CAMTA1: variants seen among roughly 807,000 people sequenced by gnomAD.
CAMTA1 encodes the protein calmodulin binding transcription activator 1, also known as calmodulin-binding transcription activator 1.
In CAMTA1, 27 loss-of-function variants were observed where a neutral mutation model predicts 170.9. The observed-to-expected ratio is 0.16, with a 90% CI of 0.12 to 0.22. The LOEUF (loss-of-function observed/expected upper bound fraction) is 0.22, where lower values mean the gene tolerates loss of function less well. Ranked by LOEUF, CAMTA1 falls within the 10% of genes least tolerant of loss-of-function variation. CAMTA1 has a pLI of 1.00. For missense variants in CAMTA1, 1,619 were observed against 2,217.2 expected, an observed-to-expected ratio of 0.73 and a Z score of 5.42; for synonymous variants, 833 against 891.5, an observed-to-expected ratio of 0.93 and a Z score of 1.17.
intron 3 of CAMTA1, chr1:6,888,130 G>T: frequency 1.0e-6 from 1 of 983,784 alleles, no homozygotes; most frequent in Non-Finnish European, 1.2e-6. Context: ...CCTTTGTCTT[G>T]TCCCCTTGTA....
intron 6 of CAMTA1, among the ~76,000 whole-genome samples, chr1:7,542,218 A>C (rs961346952): frequency 2.0e-5 from 3 of 152,136 alleles, no homozygotes; most frequent in Non-Finnish European, 4.4e-5. Flanking sequence ...CCCATCACCC[A>C]AAAATAACCT....
intron 5 of CAMTA1, among the ~76,000 whole-genome samples, chr1:7,421,278 G>A (rs1239273179): frequency 1.3e-5 from 2 of 151,414 alleles, no homozygotes; most frequent in African/African-American, 4.9e-5. Context: ...TCAGCCTCCC[G>A]AGTAGCTGGG....
intron 3 of CAMTA1, among the ~76,000 whole-genome samples, chr1:6,933,558 C>G (rs1364090523): frequency 1.3e-5 from 2 of 152,142 alleles, no homozygotes; most frequent in Admixed American, 6.5e-5. Context: ...CTGTGCCTGG[C>G]CTTCTCCTAT....
chr1:7,012,296 C>T (rs181173592), intron 3 of CAMTA1, among the ~76,000 whole-genome samples: 1 of 152,276 alleles, frequency 6.6e-6, no homozygotes, highest in African/African-American at 2.4e-5. Context: ...TTGACCTTGC[C>T]AGGTAGAGAT....
rs1294245954 is a variant in CAMTA1 at position 6,887,107 on chromosome 1, G to A, written c.234+61897G>A. Reference sequence around the variant, plus strand: ...GCCTCTGCAAGCATTGTGTTCTGTTGTATCAATATGTACTTAGATATGTTA... The same window carrying A: ...GCCTCTGCAAGCATTGTGTTCTGTTATATCAATATGTACTTAGATATGTTA... On this transcript the variant is annotated intron_variant, in intron 3 of 22. Transcript: ENST00000303635. This position sits in a 1 kb window ranked among gnomAD's most constrained non-coding sequence, Gnocchi z 4.1. Among the ~76,000 whole-genome samples, 3 of 152,178 alleles carry A rather than the reference G, an allele frequency of 2.0e-5. No individual in the cohort carries two copies. Among genetic ancestry groups the A allele is most frequent in the Non-Finnish European group, 4.4e-5 (3 of 68,038 alleles).
intron 6 of CAMTA1, among the ~76,000 whole-genome samples, chr1:7,490,558 C>A (rs549371511): frequency 6.6e-6 from 1 of 152,002 alleles, no homozygotes; most frequent in Non-Finnish European, 1.5e-5. Flanking sequence ...AGGCTGAGGC[C>A]GGAGAATCGC....
intron 4 of CAMTA1, among the ~76,000 whole-genome samples, chr1:7,155,711 G>A (rs546599162): frequency 3.3e-5 from 5 of 151,992 alleles, no homozygotes; most frequent in South Asian, 2.1e-4. Flanking sequence ...GATTACTGGC[G>A]TGAGCCACTG....
chr1:6,936,903 G>A (rs1487270948), intron 3 of CAMTA1, among the ~76,000 whole-genome samples: 2 of 152,112 alleles, frequency 1.3e-5, no homozygotes, highest in Admixed American at 6.5e-5. Context: ...CAGGAGAATG[G>A]CGTGAACCCG....
At chr1:7,285,410 C>G (rs1672215352) in intron 5 of CAMTA1, among the ~76,000 whole-genome samples, 1 of 152,156 alleles carries the variant, frequency 6.6e-6, no homozygotes, top group South Asian at 2.1e-4. Context: ...CTGACCCTGG[C>G]CATGGGGCTG....
chr1:7,052,560 G>C (rs1460230391), intron 3 of CAMTA1, among the ~76,000 whole-genome samples: 2 of 152,142 alleles, frequency 1.3e-5, no homozygotes, highest in Non-Finnish European at 2.9e-5. Flanking sequence ...ACTCAGCTCA[G>C]ATTCCACAGG....
chr1:6,971,264 G>A lies in CAMTA1; in HGVS notation c.235-120040G>A, dbSNP rs1692487485. On this transcript the variant is annotated intron_variant, in intron 3 of 22. Transcript: ENST00000303635. This position sits in a 1 kb window ranked among gnomAD's most constrained non-coding sequence, Gnocchi z 4.6. ...AATTACACGTGGCTGTCTGGGAGTG[G>A]GAGTATTTATAGCAACGCCTCTTTT... Among the ~76,000 whole-genome samples the A allele has an allele frequency of 6.6e-6, 1 of 152,204 alleles. No homozygotes were observed. The highest frequency in any genetic ancestry group is 2.4e-5 in the African/African-American group (1 of 41,442).
At chr1:7,677,883 C>T (rs115389505) in intron 11 of CAMTA1, 150 bp downstream of exon 11, 15,875 of 880,860 alleles carry the variant, frequency 0.018, 287 homozygotes, top group South Asian at 0.064. Flanking sequence ...GGGTCTCCAC[C>T]GCCAGGCTGA....
At chr1:7,702,981 GCA>G (rs1203598837) in intron 11 of CAMTA1, among the ~76,000 whole-genome samples, 11 of 152,130 alleles carry the variant, frequency 7.2e-5, no homozygotes, top group African/African-American at 2.2e-4. Flanking sequence ...AGATATGAAG[GCA>G]CAGACAGTGG....
At chr1:6,833,830 A>C (rs1235088001) in intron 3 of CAMTA1, among the ~76,000 whole-genome samples, 1 of 152,236 alleles carries the variant, frequency 6.6e-6, no homozygotes, top group African/African-American at 2.4e-5. Context: ...TTATACATTA[A>C]ATTAAGATGC....
chr1:7,223,004 TAAG>T (rs999306300), intron 4 of CAMTA1, among the ~76,000 whole-genome samples: 20 of 152,250 alleles, frequency 1.3e-4, no homozygotes, highest in Non-Finnish European at 4.4e-5. Context: ...TCACTGTCCT[TAAG>T]ATCTCAAACC....
intron 1 of CAMTA1, among the ~76,000 whole-genome samples, chr1:6,818,505 A>C (rs1179175038): frequency 6.6e-6 from 1 of 152,168 alleles, no homozygotes; most frequent in Non-Finnish European, 1.5e-5. Flanking sequence ...GTATTACCTA[A>C]TCCTCCTCCT....
intron 3 of CAMTA1, among the ~76,000 whole-genome samples, chr1:7,033,122 T>C (rs965253080): frequency 4.6e-5 from 7 of 152,350 alleles, no homozygotes; most frequent in African/African-American, 1.7e-4. Context: ...AAATTTTGGC[T>C]GTTAGTTTTT....
intron 3 of CAMTA1, among the ~76,000 whole-genome samples, chr1:6,963,424 G>T (rs977654142): frequency 1.3e-5 from 2 of 151,506 alleles, no homozygotes; most frequent in Non-Finnish European, 2.9e-5. Flanking sequence ...TCAAGCTCCC[G>T]CCTGGCGCCC....
intron 1 of CAMTA1, among the ~76,000 whole-genome samples, chr1:6,803,338 G>GC (rs1644112027): frequency 6.6e-6 from 1 of 152,216 alleles, no homozygotes; most frequent in Admixed American, 6.5e-5. Flanking sequence ...ACAGAAAACA[G>GC]CCTCTCTTTA....
Sources: gnomAD v4.1 joint callset for allele counts (sites outside exome capture counted in the v4.1 genomes callset) on GRCh38, gnomAD v4.1.1 for gene constraint, Gnocchi (gnomAD v3.1) non-coding constraint, MANE v1.5 for transcripts, NCBI Gene and HGNC (gene_info 2026-07-23, HGNC 2026-07-21) for gene names.